Variants in PZP observed in about 807,000 individuals in gnomAD.
The protein encoded by PZP is PZP alpha-2-macroglobulin like, also known as pregnancy zone protein.
In PZP, 150 loss-of-function variants were observed where a neutral mutation model predicts 179.8. The observed-to-expected ratio is 0.83, with a 90% CI of 0.73 to 0.96. The LOEUF (loss-of-function observed/expected upper bound fraction) is 0.96, where lower values mean the gene tolerates loss of function less well. Ranked by LOEUF, PZP falls within the 40% of genes least tolerant of loss-of-function variation. PZP has a pLI of 0.00. For missense variants in PZP, 1,689 were observed against 1,764.0 expected (o/e 0.96, Z 0.76); for synonymous variants, 624 against 652.3 (o/e 0.96, Z 0.66).
the PZP span, among the ~76,000 whole-genome samples, chr12:9,140,709 C>G: frequency 6.6e-6 from 1 of 152,162 alleles, no homozygotes; most frequent in East Asian, 1.9e-4. Context: ...GTGAATTCCT[C>G]TCCTCCTGAG....
intron 25 of PZP, among the ~76,000 whole-genome samples, chr12:9,159,651 GAGA>G (rs1346328758): frequency 6.6e-6 from 1 of 151,790 alleles, no homozygotes; most frequent in Non-Finnish European, 1.5e-5. Flanking sequence ...AAGAAAAGAA[GAGA>G]AGGAGAGACC....
chr12:9,158,687 G>C, intron 25 of PZP, 111 bp from the exon 26 acceptor site: 3 of 1,013,060 alleles, frequency 3.0e-6, no homozygotes, highest in Non-Finnish European at 2.7e-6. Context: ...AAGTCAATCA[G>C]CTGTTACTGA....
chr12:9,178,787 C>T (rs1209450173), intron 15 of PZP, among the ~76,000 whole-genome samples: 1 of 152,132 alleles, frequency 6.6e-6, no homozygotes, highest in African/African-American at 2.4e-5. Context: ...TTCAGACACC[C>T]ACTGAAGGTC....
chr12:9,194,706 T>C (rs1486824941), intron 10 of PZP, among the ~76,000 whole-genome samples: 4 of 152,088 alleles, frequency 2.6e-5, no homozygotes, highest in Non-Finnish European at 4.4e-5. Flanking sequence ...CCTCGTGATC[T>C]GCCCGCCTCG....
chr12:9,140,490 G>A, the PZP span, among the ~76,000 whole-genome samples: 2 of 152,174 alleles, frequency 1.3e-5, no homozygotes, highest in Non-Finnish European at 2.9e-5. Context: ...GCCAGTAACC[G>A]TTATTAAAAA....
In PZP at chr12:9,202,336, G is replaced by A. The variant is rs773631099; in HGVS notation, c.463C>T (p.Arg155Cys). Residue 155 changes from arginine (R) to cysteine (C), a missense_variant, in exon 4 of 36, where the codon CGC becomes TGC. Transcript: ENST00000261336. The stretch of plus-strand genomic sequence containing the variant: ...ATGCTTACCAGTTCATTTCGAGGGC[G>A]AAAATTTTCATCCACGGAGACAACA... ...FRVVSVDENF[R>C]PRNELIPLIY... is the part of the protein sequence containing the mutation. The A allele has an allele frequency of 9.9e-6, 16 of 1,613,908 alleles. No individual in the cohort carries two copies. In the African/African-American group the frequency reaches 1.1e-4, roughly 11 times the overall value.
At chr12:9,197,689 T>C (rs1253745087) in intron 7 of PZP, among the ~76,000 whole-genome samples, 1 of 91,690 alleles carries the variant, frequency 1.1e-5, no homozygotes, top group Non-Finnish European at 1.9e-5. Context: ...CAATACATAA[T>C]ATATATAATT....
chr12:9,203,262 T>C (rs763873322), intron 2 of PZP, among the ~76,000 whole-genome samples: 1 of 138,536 alleles, frequency 7.2e-6, no homozygotes, highest in East Asian at 2.0e-4. Flanking sequence ...TTCCTTACTC[T>C]GGTAAAAAAT....
At position 9,194,106 on chromosome 12, in the gene PZP, T is replaced by G. The variant is rs144906712; in HGVS notation, c.1225A>C (p.Ser409Arg). The change falls in exon 11 of 36, where the codon AGT (serine) becomes CGT (arginine). Residue 409 changes from serine to arginine, a missense_variant. By Grantham distance (110) the Ser-to-Arg change is moderately radical. Transcript: ENST00000261336. ...ACAAAAAGTTTATTAACCGAGATAC[T>G]GGTAGTATTGATTGAAAACTGTGCA... ...GLAQFSINTT[S>R]ISVNKLFVRV... The G allele has an allele frequency of 5.6e-6, 9 of 1,613,800 alleles. No individual in the cohort carries two copies. The African/African-American group carries it at 1.2e-4, about 22-fold the overall frequency.
rs757828172 is a variant in PZP, at chr12:9,191,980, C to A, written c.1546+213G>T. Among the ~76,000 whole-genome samples, 127 of 152,250 alleles carry A rather than the reference C, an allele frequency of 8.3e-4. 1 individual carries two copies. Among genetic ancestry groups the A allele is most frequent in the African/African-American group, 3.0e-3 (125 of 41,540 alleles). ...AAACTAAAGTGAAAAACTAGTGTAC[C>A]TTAGCAGAGTGACTGATACAGAGTA... On this transcript the variant is annotated intron_variant, in intron 13 of 35. Transcript: ENST00000261336.
chr12:9,169,081 C>A lies in PZP; in HGVS notation c.2002-107G>T, dbSNP rs10492114. The A allele has an allele frequency of 1.3e-4, 96 of 751,490 alleles. No homozygotes were observed. In the African/African-American group the frequency reaches 1.6e-3, roughly 13 times the overall value. 46.6% of individuals were successfully genotyped at this position (751,490 alleles called of 1,614,324 possible). A position where few individuals can be genotyped will look rare whatever the true frequency, so the allele number is the denominator to read the frequency against. On this transcript the variant is annotated intron_variant, in intron 16 of 35. Coordinates refer to ENST00000261336, the MANE Select transcript of PZP (RefSeq NM_002864.3). ...TAATTCCAGTATCCTTATATTAATT[C>A]TATGGCGAAACACTTGACAGTAAAT...
At chr12:9,185,818 T>TCTTTTCTTTTCTTTTCTTTTC (rs1555173417) in intron 13 of PZP, among the ~76,000 whole-genome samples, 4 of 150,290 alleles carry the variant, frequency 2.7e-5, no homozygotes, top group Non-Finnish European at 4.4e-5. Flanking sequence ...TCTTTTCTTT[T>TCTTTTCTTTTCTTTTCTTTTC]TTTTTTTCTT....
At chr12:9,206,240 A>AT (rs900962684) in intron 1 of PZP, among the ~76,000 whole-genome samples, 15 of 151,600 alleles carry the variant, frequency 9.9e-5, no homozygotes, top group Non-Finnish European at 2.2e-4. Context: ...TGATCTTAAT[A>AT]AGAAGGTATA....
At chr12:9,200,588 G>T in intron 6 of PZP, 140 bp from the exon 7 acceptor site, 1 of 731,040 alleles carries the variant, frequency 1.4e-6, no homozygotes, top group Non-Finnish European at 2.2e-6. Flanking sequence ...CTTTAAGATG[G>T]TAAGGTTTAA....
rs758393751 is a variant in PZP at position 9,196,670 on chromosome 12, A to C, written c.883T>G (p.Cys295Gly). 1.9e-6 allele frequency: 3 copies of C among 1,610,608 alleles called. No homozygotes were observed. Among genetic ancestry groups the C allele is most frequent in the Non-Finnish European group, 1.7e-6 (2 of 1,176,800 alleles). Residue 295 changes from cysteine to glycine, a missense_variant, in exon 9 of 36, where the codon TGC becomes GGC. By Grantham distance (159) the Cys-to-Gly change is radical. This residue lies in a region of PZP where 742 missense variants were observed against 730.5 expected (regional missense o/e 1.02). Coordinates refer to ENST00000261336, the MANE Select transcript of PZP (RefSeq NM_002864.3). ...TTGGTGTGTACTTGTTGGGTGATGC[A>C]GCCATTGCTGTTAAGCTGAGAAAAA... ...EFSQQLNSNG[C>G]ITQQVHTKML...
chr12:9,158,346 C>T (rs921410039), intron 26 of PZP, 74 bp downstream of exon 26: 24 of 1,558,928 alleles, frequency 1.5e-5, no homozygotes, highest in East Asian at 1.1e-4. Context: ...TTCCTTGTGC[C>T]TCCTTCCTCC....
intron 13 of PZP, 28 bp from the exon 14 acceptor site, chr12:9,182,145 T>A (rs1184211010): frequency 6.2e-7 from 1 of 1,607,508 alleles, no homozygotes; most frequent in Admixed American, 1.7e-5. Context: ...TGAGACAAAA[T>A]GGTCATAAGT....
At chr12:9,174,279 C>T (rs751614448) in intron 15 of PZP, among the ~76,000 whole-genome samples, 1 of 152,058 alleles carries the variant, frequency 6.6e-6, no homozygotes, top group Non-Finnish European at 1.5e-5. Context: ...ATTCAACATC[C>T]CTTTATGTTA....
intron 1 of PZP, among the ~76,000 whole-genome samples, chr12:9,206,965 A>C (rs1343130004): frequency 6.6e-6 from 1 of 152,166 alleles, no homozygotes; most frequent in African/African-American, 2.4e-5. Flanking sequence ...TTCTGGATGG[A>C]GAGCAGCTGG....
Sources: gnomAD v4.1 joint callset for allele counts (sites outside exome capture counted in the v4.1 genomes callset) on GRCh38, gnomAD v4.1.1 for gene constraint, gnomAD v4.1.1 regional missense constraint, MANE v1.5 for transcripts, NCBI Gene and HGNC (gene_info 2026-07-23, HGNC 2026-07-21) for gene names.